The following KCNH2 variants were observed in gnomAD, a reference collection of about 807,000 sequenced individuals.
The protein encoded by KCNH2 is potassium voltage-gated channel subfamily H member 2, also known as voltage-gated inwardly rectifying potassium channel KCNH2.
In KCNH2, 35 loss-of-function variants were observed where a neutral mutation model predicts 95.9. The observed-to-expected ratio is 0.37, with a 90% confidence interval of 0.28 to 0.48. The LOEUF is 0.48. KCNH2 is among the 20% of genes least tolerant of loss of function. The pLI, the probability that KCNH2 is intolerant of heterozygous loss-of-function variation, is 0.99. For synonymous variants in KCNH2, 786 were observed against 754.7 expected (o/e 1.04, Z -0.68); for missense variants, 1,274 against 1,702.9 (o/e 0.75, Z 4.43).
At chr7:150,970,002 C>T (rs1801797884) in intron 2 of KCNH2, among the ~76,000 whole-genome samples, 3 of 152,154 alleles carry the variant, frequency 2.0e-5, no homozygotes, top group Admixed American at 2.0e-4. Flanking sequence ...CCATGGCCCT[C>T]CTGCCCACGT....
At chr7:150,974,144 G>A (rs959822131) in intron 2 of KCNH2, among the ~76,000 whole-genome samples, 1 of 152,188 alleles carries the variant, frequency 6.6e-6, no homozygotes, top group Non-Finnish European at 1.5e-5. Context: ...GAGACAAAGG[G>A]AACTGAGGTT....
intron 7 of KCNH2, 68 bp from the exon 8 acceptor site, chr7:150,951,188 C>T (rs909710218): frequency 1.2e-5 from 16 of 1,346,834 alleles, no homozygotes; most frequent in East Asian, 2.3e-5. Context: ...GGACCCTGCT[C>T]AGGCCCCGCA....
In KCNH2 at chr7:150,958,041, G is replaced by A; in HGVS notation, c.916+18C>T. ...AGAAGCGTGGGCTGGGGCGGAACGGGTCCCGCGGCGCCCTCACCGGTGCTG... is the reference window on the plus strand; with the variant it reads ...AGAAGCGTGGGCTGGGGCGGAACGGATCCCGCGGCGCCCTCACCGGTGCTG... On this transcript the variant is annotated intron_variant, in intron 4 of 14. Transcript: ENST00000262186. 7.9e-7 allele frequency: 1 copy of A among 1,264,384 alleles called. No homozygotes were observed. Among genetic ancestry groups the A allele is most frequent in the South Asian group, 3.4e-5 (1 of 29,842 alleles). The allele number at this position is 1,264,384 out of a possible 1,614,324, so 78.3% of individuals were successfully genotyped here. A position where few individuals can be genotyped will look rare whatever the true frequency, so the allele number is the denominator to read the frequency against.
chr7:150,955,290 A>T, intron 5 of KCNH2: 2 of 1,168,706 alleles, frequency 1.7e-6, no homozygotes, highest in Non-Finnish European at 2.5e-6. Context: ...AAAGCTTCCT[A>T]CTTCCCAGCA....
rs75509816 is a variant in KCNH2, at chr7:150,961,308, T to C, written c.308-1572A>G. On this transcript the variant is annotated intron_variant, in intron 2 of 14. Coordinates refer to ENST00000262186, the MANE Select transcript of KCNH2 (RefSeq NM_000238.4). This position sits in a 1 kb window ranked among gnomAD's most constrained non-coding sequence, Gnocchi z 6.2. ...ACCCAGCCTCACTTTTTTTTTTTTT[T>C]TTTTTCTGAGACAGGGTTTCACTCT... Among the ~76,000 whole-genome samples, 57 of 149,008 alleles carry C rather than the reference T, an allele frequency of 3.8e-4. No individual in the cohort carries two copies. The highest frequency in any genetic ancestry group is 8.0e-4 in the East Asian group (4 of 5,028).
intron 5 of KCNH2, 123 bp downstream of exon 5, chr7:150,957,168 T>C: frequency 1.2e-6 from 1 of 802,116 alleles, no homozygotes; most frequent in Non-Finnish European, 2.1e-6. Flanking sequence ...CCCTCAGGTC[T>C]GCCTCCCTCC....
chr7:150,955,560 C>A, intron 5 of KCNH2: 1 of 1,502,686 alleles, frequency 6.7e-7, no homozygotes. Flanking sequence ...CCGGCCACTG[C>A]CTCACCTGCA....
intron 2 of KCNH2, among the ~76,000 whole-genome samples, chr7:150,968,140 C>T (rs997361816): frequency 6.6e-6 from 1 of 152,130 alleles, no homozygotes; most frequent in Non-Finnish European, 1.5e-5. Flanking sequence ...CGAGAGTGGC[C>T]AAGATATGCG....
chr7:150,957,872 G>A (rs987157362), intron 4 of KCNH2, among the ~76,000 whole-genome samples, 187 bp downstream of exon 4: 8 of 152,222 alleles, frequency 5.3e-5, no homozygotes, highest in African/African-American at 1.7e-4. Flanking sequence ...AGAATGTAAT[G>A]GGATGAATGG....
In KCNH2 at chr7:150,975,127, CGGCCG is replaced by C. The variant is rs577998381; in HGVS notation, c.77-191_77-187del. ...GTGTGCCCCGATACAGGTGCCTGGC[CGGCCG>C]GGCCGCGCGGCGCGCCCCCTCCTCC... On this transcript the variant is annotated intron_variant, in intron 1 of 14. Coordinates refer to ENST00000262186, the MANE Select transcript of KCNH2 (RefSeq NM_000238.4). 6.8e-3 allele frequency among the ~76,000 whole-genome samples: 1,037 copies of C among 152,034 alleles called. 7 individuals are homozygous for C. Among genetic ancestry groups the C allele is most frequent in the South Asian group, 0.03 (147 of 4,822 alleles).
At chr7:150,965,280 C>G (rs1343419342) in intron 2 of KCNH2, among the ~76,000 whole-genome samples, 3 of 152,092 alleles carry the variant, frequency 2.0e-5, no homozygotes, top group Non-Finnish European at 4.4e-5. Context: ...CCGCTGTAGT[C>G]ATCTAGACCC....
chr7:150,966,650 A>G (rs1801714792), intron 2 of KCNH2, among the ~76,000 whole-genome samples: 1 of 152,190 alleles, frequency 6.6e-6, no homozygotes, highest in African/African-American at 2.4e-5. Flanking sequence ...ATCAGCCCGC[A>G]AAAATATAAA....
rs199473017 is a variant in KCNH2, at chr7:150,947,668, G to A, written c.2903C>T (p.Pro968Leu). The change falls in exon 12 of 15, where the codon CCG becomes CTG. Residue 968 changes from proline (P) to leucine (L), a missense_variant. Physicochemically the swap from Pro to Leu is moderately conservative, Grantham distance 98 (BLOSUM62 -3). Transcript: ENST00000262186. ...GTCCTCCATCAGGGGCTCCCCACCC[G>A]GCGGCTCTCCGGGGGGCCTGGGGCT... ...FSSPRPPGEPPGGEPLMEDCE... is the reference protein window; with the variant it reads ...FSSPRPPGEPLGGEPLMEDCE... 2.1e-5 allele frequency: 34 copies of A among 1,608,036 alleles called. No individual in the cohort carries two copies. Among genetic ancestry groups the A allele is most frequent in the Admixed American group, 5.0e-5 (3 of 59,506 alleles).
chr7:150,959,452 G>A (rs1584867464), intron 3 of KCNH2, 120 bp downstream of exon 3: 2 of 1,260,968 alleles, frequency 1.6e-6, no homozygotes, highest in South Asian at 2.9e-5. Context: ...TCCAAAGGGG[G>A]GACCCCCCAC....
Position 150,949,144 on chromosome 7 carries a change from T to C in KCNH2, c.2399-95A>G. The C allele has an allele frequency of 4.1e-6, 5 of 1,219,982 alleles. No homozygotes were observed. In the South Asian group the frequency reaches 6.5e-5, roughly 16 times the overall value. The allele number at this position is 1,219,982 out of a possible 1,614,324, so 75.6% of individuals were successfully genotyped here. A position where few individuals can be genotyped will look rare whatever the true frequency, so the allele number is the denominator to read the frequency against. On this transcript the variant is annotated intron_variant, in intron 9 of 14. Transcript: ENST00000262186. The stretch of plus-strand genomic sequence containing the variant: ...CGGCATCCCCACCCCGGGCAGAGCA[T>C]GTCCCCTCAGCTGGGTCGCCTGCCA...
chr7:150,964,963 C>T (rs1043414732), intron 2 of KCNH2, among the ~76,000 whole-genome samples: 34 of 152,280 alleles, frequency 2.2e-4, no homozygotes, highest in African/African-American at 7.5e-4. Flanking sequence ...AGGCCAGGGA[C>T]ATTGCAGGCC....
Position 150,950,882 on chromosome 7 carries a change from C to G in KCNH2, c.2145+39G>C, listed in dbSNP as rs2072412. 0.26 allele frequency: 420,524 copies of G among 1,601,430 alleles called. 56,967 individuals are homozygous for G. The highest frequency in any genetic ancestry group is 0.35 in the African/African-American group (26,122 of 74,602). ...GTTCCCCTCTGCCACCCCACTCTTCCCAGCCTGCCACCCACTGGCCACGCT... is the reference window on the plus strand; with the variant it reads ...GTTCCCCTCTGCCACCCCACTCTTCGCAGCCTGCCACCCACTGGCCACGCT... On this transcript the variant is annotated intron_variant, in intron 8 of 14. Transcript: ENST00000262186.
At position 150,952,907 on chromosome 7, in the gene KCNH2, G is replaced by A. The variant is rs1051380238; in HGVS notation, c.1129-54C>T. 40 of 1,560,850 alleles carry A rather than the reference G, an allele frequency of 2.6e-5. No individual in the cohort carries two copies. Among genetic ancestry groups the A allele is most frequent in the East Asian group, 1.3e-4 (6 of 44,570 alleles). On this transcript the variant is annotated intron_variant, in intron 5 of 14. Transcript: ENST00000262186. This position sits in a 1 kb window ranked among gnomAD's most constrained non-coding sequence, Gnocchi z 7.3. ...TGAGGCAGGCCATGGGACCTCGGGG[G>A]CAGGAGCGATGACATCTCTGCCGGG...
chr7:150,945,168 C>T lies in KCNH2; in HGVS notation c.*197G>A, dbSNP rs545685771. On this transcript the variant is annotated 3_prime_UTR_variant, in exon 15 of 15. Coordinates refer to ENST00000262186, the MANE Select transcript of KCNH2 (RefSeq NM_000238.4). This position sits in a 1 kb window ranked among gnomAD's most constrained non-coding sequence, Gnocchi z 5.6. ...GGGGACCACAGGCCCCACCTACTGCCGGCCCTGCCCCTGCCCCTCTCACTG... is the reference window on the plus strand; with the variant it reads ...GGGGACCACAGGCCCCACCTACTGCTGGCCCTGCCCCTGCCCCTCTCACTG... 39 of 637,268 alleles carry T rather than the reference C, an allele frequency of 6.1e-5. No homozygotes were observed. The highest frequency in any genetic ancestry group is 5.9e-4 in the South Asian group (28 of 47,772). The allele number at this position is 637,268 out of a possible 1,614,324, so 39.5% of individuals were successfully genotyped here. A position where few individuals can be genotyped will look rare whatever the true frequency, so the allele number is the denominator to read the frequency against.
Sources: allele counts gnomAD v4.1 joint callset (sites outside exome capture counted in the v4.1 genomes callset), GRCh38; gene constraint gnomAD v4.1.1; non-coding constraint Gnocchi (gnomAD v3.1); transcripts MANE v1.5; gene names NCBI Gene and HGNC (gene_info 2026-07-23, HGNC 2026-07-21).